The following ZFP64 variants were observed in gnomAD, a reference collection of about 807,000 sequenced individuals.
ZFP64 encodes ZFP64 zinc finger protein.
Under a neutral mutation model 51.6 loss-of-function variants are expected in ZFP64, and 14 were observed. The ratio of observed to expected loss-of-function variants is 0.27; its 90% CI spans 0.18 to 0.42. ZFP64 has a LOEUF of 0.42. Ranked by LOEUF, ZFP64 falls within the 10% of genes least tolerant of loss-of-function variation. The pLI, the probability that ZFP64 is intolerant of heterozygous loss-of-function variation, is 1.00. For synonymous variants in ZFP64, 375 were observed against 361.4 expected, an observed-to-expected ratio of 1.04 and a Z score of -0.43; for missense variants, 754 against 906.8, an observed-to-expected ratio of 0.83 and a Z score of 2.16.
chr20:52,092,373 G>GC (rs1244251212), intron 7 of ZFP64, among the ~76,000 whole-genome samples: 2 of 104,364 alleles, frequency 1.9e-5, no homozygotes, highest in Admixed American at 1.1e-4. Context: ...TTGTTCCCTT[G>GC]GGGGGTGAAA....
intron 2 of ZFP64, among the ~76,000 whole-genome samples, chr20:52,170,360 G>A (rs1276892655): frequency 6.6e-6 from 1 of 152,132 alleles, no homozygotes; most frequent in African/African-American, 2.4e-5. Context: ...GCTGAGGCAG[G>A]AGAATCGCTT....
At chr20:52,113,086 G>A (rs1215528406) in intron 5 of ZFP64, among the ~76,000 whole-genome samples, 1 of 152,120 alleles carries the variant, frequency 6.6e-6, no homozygotes, top group Non-Finnish European at 1.5e-5. Flanking sequence ...TGTAATCCCA[G>A]CACTTTGGGA....
intron 5 of ZFP64, among the ~76,000 whole-genome samples, chr20:52,102,799 T>C (rs1014511013): frequency 6.6e-6 from 1 of 152,210 alleles, no homozygotes; most frequent in Non-Finnish European, 1.5e-5. Flanking sequence ...ATGGGTATTA[T>C]GGCCGTCTCA....
At chr20:52,091,936 G>A (rs1159593237) in intron 7 of ZFP64, among the ~76,000 whole-genome samples, 1 of 151,940 alleles carries the variant, frequency 6.6e-6, no homozygotes, top group African/African-American at 2.4e-5. Context: ...GTTGCGGTGA[G>A]CCAAGATTGC....
chr20:52,104,892 C>T, intron 5 of ZFP64: 1 of 673,162 alleles, frequency 1.5e-6, no homozygotes, highest in Admixed American at 2.1e-5. Context: ...AACTCGTTGA[C>T]TAGCTCTTGA....
Position 52,104,664 on chromosome 20 carries a change from G to T in ZFP64, c.764-6077C>A, listed in dbSNP as rs776570942. The T allele has an allele frequency of 1.0e-4, 48 of 471,748 alleles. 1 individual carries two copies. Among genetic ancestry groups the T allele is most frequent in the Non-Finnish European group, 1.8e-4 (41 of 227,724 alleles). 29.2% of individuals were successfully genotyped at this position (471,748 alleles called of 1,614,324 possible). On this transcript the variant is annotated intron_variant, in intron 5 of 8. Transcript: ENST00000361387. The stretch of plus-strand genomic sequence containing the variant: ...CTTCCCCCGGGTACCTGCACAGCTC[G>T]CTCCCTCCCATCCTTCGGGTCTTCG...
At chr20:52,112,489 A>G (rs1240654873) in intron 5 of ZFP64, among the ~76,000 whole-genome samples, 1 of 152,196 alleles carries the variant, frequency 6.6e-6, no homozygotes, top group African/African-American at 2.4e-5. Context: ...CAATCCATAT[A>G]TTAAATGGGG....
Position 52,152,943 on chromosome 20 carries a change from C to T in ZFP64, c.1249G>A (p.Ala417Thr). Residue 417 changes from alanine to threonine, a missense_variant, in exon 6 of 6, where the codon GCC becomes ACC. Physicochemically the swap from Ala to Thr is moderately conservative, Grantham distance 58. This residue lies in a region of ZFP64 where 428 missense variants were observed against 472.4 expected (regional missense o/e 0.91). Coordinates refer to ENST00000216923, the MANE Select transcript of ZFP64 (RefSeq NM_018197.3). Reference sequence around the variant, plus strand: ...AAACTCTTCTTGGCATCCAGCTTGGCCACCTGCCGGCTGCTCTGCCTGCCG... The same window carrying T: ...AAACTCTTCTTGGCATCCAGCTTGGTCACCTGCCGGCTGCTCTGCCTGCCG... Reference protein sequence around the residue: ...DTGRQSSRQVAKLDAKKSFHC... With the variant: ...DTGRQSSRQVTKLDAKKSFHC... The T allele has an allele frequency of 6.2e-7, 1 of 1,613,690 alleles. No homozygotes were observed.
intron 5 of ZFP64, among the ~76,000 whole-genome samples, chr20:52,157,487 T>C (rs79868346): frequency 0.035 from 5,338 of 152,196 alleles, 301 homozygotes; most frequent in African/African-American, 0.12. Context: ...TTTTCAGAAG[T>C]AGCTTAGGAA....
chr20:52,146,435 T>C (rs527832414), downstream of ZFP64, among the ~76,000 whole-genome samples: 284 of 151,882 alleles, frequency 1.9e-3, no homozygotes, highest in African/African-American at 6.7e-3. Flanking sequence ...TGTAGGGACA[T>C]GGATGAAATT....
intron 7 of ZFP64, among the ~76,000 whole-genome samples, chr20:52,090,234 C>G (rs751982715): frequency 6.6e-6 from 1 of 152,156 alleles, no homozygotes; most frequent in Non-Finnish European, 1.5e-5. Context: ...GCAAAATGCT[C>G]ACATCAGCAT....
rs142583584 is a variant in ZFP64, at chr20:52,185,178, C to G, written c.286+1654G>C. On this transcript the variant is annotated intron_variant, in intron 2 of 5. Coordinates refer to ENST00000216923, the MANE Select transcript of ZFP64 (RefSeq NM_018197.3). The stretch of plus-strand genomic sequence containing the variant: ...AGCTGGGATTACAGGCACGTGACAC[C>G]ACGCTGGGCTAGTTTTCGTATTTTT... 4.4e-3 allele frequency among the ~76,000 whole-genome samples: 662 copies of G among 152,176 alleles called. 4 individuals carry two copies. Among genetic ancestry groups the G allele is most frequent in the African/African-American group, 0.015 (637 of 41,524 alleles).
intron 4 of ZFP64, among the ~76,000 whole-genome samples, 173 bp downstream of exon 4, chr20:52,164,522 T>G (rs547229249): frequency 2.6e-5 from 4 of 152,334 alleles, no homozygotes; most frequent in African/African-American, 9.6e-5. Flanking sequence ...GTTAAAGATT[T>G]TTCTGCCAAA....
rs2078851073 is a variant in ZFP64, at chr20:52,085,150, C to G, written c.1345G>C (p.Val449Leu). The G allele has an allele frequency of 6.2e-7, 1 of 1,614,070 alleles. No individual in the cohort carries two copies. The highest frequency in any genetic ancestry group is 1.7e-5 in the Admixed American group (1 of 60,012). ...AGATTCGCCTTCATGGTGCAGCGGA[C>G]GTCGCAGAACTCGCACTTGAAAGGC... is the stretch of plus-strand genomic sequence containing the variant. Residue 449 changes from valine to leucine, a missense_variant, in exon 9 of 9, where the codon GTC (valine) becomes CTC (leucine). Physicochemically the swap from Val to Leu is conservative, Grantham distance 32. Transcript: ENST00000361387. This position sits in a 1 kb window ranked among gnomAD's most constrained non-coding sequence, Gnocchi z 4.3.
At chr20:52,133,389 C>T (rs952167305) in intron 5 of ZFP64, among the ~76,000 whole-genome samples, 10 of 152,066 alleles carry the variant, frequency 6.6e-5, no homozygotes, top group African/African-American at 2.4e-4. Flanking sequence ...TAAAGGGCAT[C>T]CAAATTGGAA....
chr20:52,151,979 G>C lies in ZFP64; in HGVS notation c.*167C>G. 1 of 1,383,224 alleles carries C rather than the reference G, an allele frequency of 7.2e-7. No individual in the cohort carries two copies. The highest frequency in any genetic ancestry group is 2.9e-5 in the Admixed American group (1 of 34,646). The allele number at this position is 1,383,224 out of a possible 1,614,324, so 85.7% of individuals were successfully genotyped here. ...TTGAACCTGGGAGGCGGACGTTGCAGTGAGCCAAGATAGCGCCACTGCACT... is the reference window on the plus strand; with the variant it reads ...TTGAACCTGGGAGGCGGACGTTGCACTGAGCCAAGATAGCGCCACTGCACT... On this transcript the variant is annotated 3_prime_UTR_variant, in exon 6 of 6. Coordinates refer to ENST00000216923, the MANE Select transcript of ZFP64 (RefSeq NM_018197.3).
At chr20:52,141,056 A>G (rs144130156) in intron 5 of ZFP64, among the ~76,000 whole-genome samples, 2 of 152,210 alleles carry the variant, frequency 1.3e-5, no homozygotes, top group Non-Finnish European at 1.5e-5. Context: ...TGGTTTACTG[A>G]ATATTTAAAG....
intron 5 of ZFP64, chr20:52,110,263 T>G (rs935530694): frequency 3.1e-5 from 10 of 322,412 alleles, no homozygotes; most frequent in African/African-American, 1.9e-4. Context: ...ACCCCTTATA[T>G]TTCACAAAGG....
Position 52,160,139 on chromosome 20 carries a change from G to C in ZFP64, c.747C>G (p.His249Gln). 6.2e-7 allele frequency: 1 copy of C among 1,614,230 alleles called. No homozygotes were observed. Among genetic ancestry groups the C allele is most frequent in the African/African-American group, 1.3e-5 (1 of 75,056 alleles). Residue 249 changes from histidine to glutamine, a missense_variant, in exon 5 of 6, where the codon CAC (histidine) becomes CAG (glutamine). This residue lies in a region of ZFP64 where 231 missense variants were observed against 336.7 expected (regional missense o/e 0.69). Transcript: ENST00000216923. The surrounding 1 kb of genome is among the most constrained non-coding windows in gnomAD (Gnocchi z 4.2). ...ASRNSSQLTV[H>Q]LRSHTGDAPF... The stretch of plus-strand genomic sequence containing the variant: ...AGGACTCACCCGTGTGGGATCGCAG[G>C]TGGACAGTGAGCTGGCTGGAGTTGC...
Sources: gnomAD v4.1 joint callset for allele counts (sites outside exome capture counted in the v4.1 genomes callset) on GRCh38, gnomAD v4.1.1 for gene constraint, gnomAD v4.1.1 regional missense constraint, Gnocchi (gnomAD v3.1) non-coding constraint, MANE v1.5 for transcripts, NCBI Gene and HGNC (gene_info 2026-07-23, HGNC 2026-07-21) for gene names.